Variants in PRELID2 observed in about 807,000 individuals in gnomAD.
The protein encoded by PRELID2 is PRELI domain containing 2.
PRELID2 carries 25 observed loss-of-function variants against 28.4 expected under a neutral mutation model. The ratio of observed to expected loss-of-function variants is 0.88; its 90% CI spans 0.64 to 1.23. PRELID2 has a LOEUF of 1.23. PRELID2 is among the 50% of genes most tolerant of loss of function. The pLI, the probability that PRELID2 is intolerant of heterozygous loss-of-function variation, is 0.00. For missense variants in PRELID2, 201 were observed against 214.4 expected (o/e 0.94, Z 0.39); for synonymous variants, 76 against 71.6 (o/e 1.06, Z -0.31).
chr5:145,507,858 A>C (rs1446360040), intron 1 of PRELID2, among the ~76,000 whole-genome samples: 1 of 152,082 alleles, frequency 6.6e-6, no homozygotes, highest in Non-Finnish European at 1.5e-5. Flanking sequence ...TCCTTGAAAA[A>C]CTGTATTAAT....
At chr5:145,300,763 G>A in the PRELID2 span, among the ~76,000 whole-genome samples, 4 of 138,716 alleles carry the variant, frequency 2.9e-5, no homozygotes, top group Admixed American at 2.3e-4. Flanking sequence ...GAATATTTAC[G>A]TGTTGTATTT....
chr5:145,727,387 T>C (rs1314954173), intron 1 of PRELID2, among the ~76,000 whole-genome samples: 6 of 152,164 alleles, frequency 3.9e-5, no homozygotes, highest in Non-Finnish European at 8.8e-5. Flanking sequence ...CCAAAGGCCA[T>C]GAGGGGTTTT....
At chr5:145,736,994 A>C (rs914633788) in intron 1 of PRELID2, among the ~76,000 whole-genome samples, 1 of 152,116 alleles carries the variant, frequency 6.6e-6, no homozygotes, top group African/African-American at 2.4e-5. Context: ...TATTTTGGGA[A>C]TTATTTAGAG....
At chr5:145,774,984 A>G (rs970181850) in intron 5 of PRELID2, among the ~76,000 whole-genome samples, 1 of 152,212 alleles carries the variant, frequency 6.6e-6, no homozygotes, top group Admixed American at 6.5e-5. Context: ...TGACACCTAT[A>G]AACCCAGCAC....
chr5:145,559,076 A>C (rs1480203058), intron 1 of PRELID2, among the ~76,000 whole-genome samples: 1 of 152,130 alleles, frequency 6.6e-6, no homozygotes, highest in African/African-American at 2.4e-5. Flanking sequence ...AACATGGTGA[A>C]ACCCCGTCTC....
chr5:145,673,761 A>AT (rs1220061341), intron 1 of PRELID2, among the ~76,000 whole-genome samples: 1 of 152,198 alleles, frequency 6.6e-6, no homozygotes, highest in Non-Finnish European at 1.5e-5. Context: ...GCAAAATCCA[A>AT]TTTAAAGGCA....
chr5:145,780,220 G>A (rs990265373), intron 5 of PRELID2, among the ~76,000 whole-genome samples: 1 of 152,166 alleles, frequency 6.6e-6, no homozygotes, highest in African/African-American at 2.4e-5. Context: ...GGCTGAGGCA[G>A]GAGAATCACT....
At chr5:145,476,599 T>C (rs1314486959) in intron 1 of PRELID2, among the ~76,000 whole-genome samples, 1 of 152,012 alleles carries the variant, frequency 6.6e-6, no homozygotes, top group Non-Finnish European at 1.5e-5. Context: ...GAGCCGAGAT[T>C]GCGCCACTGC....
At chr5:145,427,181 C>G in the PRELID2 span, among the ~76,000 whole-genome samples, 1 of 152,244 alleles carries the variant, frequency 6.6e-6, no homozygotes, top group East Asian at 1.9e-4. Flanking sequence ...CAGGCAGAAT[C>G]TGCCAAGATT....
chr5:145,580,241 G>A (rs762876805), intron 1 of PRELID2, among the ~76,000 whole-genome samples: 1 of 152,000 alleles, frequency 6.6e-6, no homozygotes, highest in Non-Finnish European at 1.5e-5. Flanking sequence ...AGCAATCAGG[G>A]AACAAGAAAA....
chr5:145,288,583 A>G, the PRELID2 span, among the ~76,000 whole-genome samples: 1 of 152,142 alleles, frequency 6.6e-6, no homozygotes, highest in East Asian at 1.9e-4. Context: ...AAAAACCAGC[A>G]TCTGTATGTT....
chr5:145,320,692 T>A, the PRELID2 span, among the ~76,000 whole-genome samples: 1 of 152,196 alleles, frequency 6.6e-6, no homozygotes, highest in African/African-American at 2.4e-5. Context: ...TCGATCACTG[T>A]TAATAGAAAA....
intron 4 of PRELID2, among the ~76,000 whole-genome samples, chr5:145,805,052 C>T (rs1753405796): frequency 6.6e-6 from 1 of 152,136 alleles, no homozygotes; most frequent in South Asian, 2.1e-4. Flanking sequence ...AATAAAGTAT[C>T]ATAATTTTTA....
At chr5:145,662,838 C>T (rs191268991) in intron 1 of PRELID2, among the ~76,000 whole-genome samples, 5 of 152,166 alleles carry the variant, frequency 3.3e-5, no homozygotes, top group Admixed American at 3.3e-4. Flanking sequence ...GCCTCCATAA[C>T]TTAAGAAATA....
chr5:145,774,273 A>C (rs1234906382), intron 5 of PRELID2, among the ~76,000 whole-genome samples: 1 of 152,218 alleles, frequency 6.6e-6, no homozygotes, highest in Non-Finnish European at 1.5e-5. Flanking sequence ...AAAGTCATGT[A>C]GCTAGCAAGT....
intron 1 of PRELID2, among the ~76,000 whole-genome samples, chr5:145,512,167 G>A (rs1418469428): frequency 6.6e-6 from 1 of 152,000 alleles, no homozygotes; most frequent in African/African-American, 2.4e-5. Flanking sequence ...CTGGCAAGAT[G>A]GCCGAATAGG....
chr5:145,355,422 G>C, the PRELID2 span, among the ~76,000 whole-genome samples: 1 of 152,064 alleles, frequency 6.6e-6, no homozygotes, highest in Non-Finnish European at 1.5e-5. Flanking sequence ...TGTAGAGATT[G>C]AGGAAAAGAG....
the PRELID2 span, among the ~76,000 whole-genome samples, chr5:145,349,098 A>C: frequency 5.3e-5 from 8 of 152,136 alleles, no homozygotes; most frequent in Admixed American, 3.9e-4. Flanking sequence ...AACATGATTT[A>C]TCTGCTCATA....
intron 1 of PRELID2, among the ~76,000 whole-genome samples, chr5:145,706,460 T>C (rs1755549938): frequency 6.6e-6 from 1 of 151,930 alleles, no homozygotes; most frequent in South Asian, 2.1e-4. Flanking sequence ...TAGAAGGGAG[T>C]TCAAGGGAGC....
Sources: gnomAD v4.1 joint callset for allele counts (sites outside exome capture counted in the v4.1 genomes callset) on GRCh38, gnomAD v4.1.1 for gene constraint, MANE v1.5 for transcripts, NCBI Gene and HGNC (gene_info 2026-07-23, HGNC 2026-07-21) for gene names.